DENND2A: variants seen among roughly 807,000 people sequenced by gnomAD.
DENND2A encodes the protein DENN domain-containing protein 2A.
A neutral mutation model predicts 105.3 loss-of-function variants in DENND2A; 53 were observed. That is an observed-to-expected ratio of 0.50 (90% CI 0.40 to 0.63). The LOEUF is 0.63. DENND2A is among the 30% of genes least tolerant of loss of function. The pLI, the probability that DENND2A is intolerant of heterozygous loss-of-function variation, is 0.00. For synonymous variants in DENND2A, 522 were observed against 508.4 expected (o/e 1.03, Z -0.36); for missense variants, 1,138 against 1,279.6 (o/e 0.89, Z 1.69).
At chr7:140,597,989 G>T (rs568985166) in intron 3 of DENND2A, among the ~76,000 whole-genome samples, 18 of 151,602 alleles carry the variant, frequency 1.2e-4, no homozygotes, top group African/African-American at 4.4e-4. Context: ...AGTAAAGATA[G>T]TGCAATCATC....
intron 3 of DENND2A, among the ~76,000 whole-genome samples, chr7:140,591,671 C>CTTTCTCTT (rs1375928954): frequency 3.4e-5 from 5 of 146,110 alleles, no homozygotes; most frequent in African/African-American, 7.9e-5. Flanking sequence ...TTCTTTCTTT[C>CTTTCTCTT]TCTTTCTTTC....
At chr7:140,519,548 G>A in intron 19 of DENND2A, 84 bp downstream of exon 19, 1 of 1,219,664 alleles carries the variant, frequency 8.2e-7, no homozygotes, top group East Asian at 2.3e-5. Flanking sequence ...CAGGGCGCTG[G>A]CTCCAGTGGA....
At chr7:140,586,366 AACAC>A (rs10524571) in intron 4 of DENND2A, among the ~76,000 whole-genome samples, 36,973 of 139,334 alleles carry the variant, frequency 0.27, 4,787 homozygotes, top group Middle Eastern at 0.34. Flanking sequence ...TAAAAAAGAA[AACAC>A]ACACACACAC....
At position 140,562,444 on chromosome 7, in the gene DENND2A, G is replaced by A. The variant is rs568926251; in HGVS notation, c.1780-2627C>T. On this transcript the variant is annotated intron_variant, in intron 9 of 19. Coordinates refer to ENST00000496613, the MANE Select transcript of DENND2A (RefSeq NM_015689.5). ...TGGGAGGCTGAGGCGGGCGGATCAC[G>A]AGGTCTGGAGATCGAGACCATCCTG... Among the ~76,000 whole-genome samples the A allele has an allele frequency of 7.7e-4, 117 of 152,046 alleles. 2 individuals are homozygous for A. Among genetic ancestry groups the A allele is most frequent in the African/African-American group, 2.7e-3 (114 of 41,526 alleles).
intron 3 of DENND2A, among the ~76,000 whole-genome samples, chr7:140,600,158 G>A (rs1799429580): frequency 6.6e-6 from 1 of 151,980 alleles, no homozygotes; most frequent in South Asian, 2.1e-4. Flanking sequence ...TTAGGAGGTG[G>A]TTACTGGTGG....
chr7:140,553,635 G>A (rs1797233385), intron 12 of DENND2A, among the ~76,000 whole-genome samples: 1 of 152,154 alleles, frequency 6.6e-6, no homozygotes, highest in African/African-American at 2.4e-5. Context: ...CTAGGCAGAG[G>A]TCCCTGCGGC....
intron 3 of DENND2A, among the ~76,000 whole-genome samples, 196 bp from the exon 4 acceptor site, chr7:140,587,976 T>C (rs1409639957): frequency 1.3e-5 from 2 of 152,206 alleles, no homozygotes; most frequent in Non-Finnish European, 2.9e-5. Flanking sequence ...AGCGGCGCCA[T>C]CTTGGCTCAC....
intron 6 of DENND2A, among the ~76,000 whole-genome samples, chr7:140,572,751 CA>C (rs59174097): frequency 0.25 from 14,705 of 58,970 alleles, 533 homozygotes; most frequent in African/African-American, 0.35. Flanking sequence ...GAAACTCTGT[CA>C]AAAAAAAAAA....
chr7:140,627,193 T>C (rs1800562334), intron 1 of DENND2A, among the ~76,000 whole-genome samples: 1 of 152,028 alleles, frequency 6.6e-6, no homozygotes, highest in Non-Finnish European at 1.5e-5. Flanking sequence ...TTATTGTAAA[T>C]ATTTATTTAT....
intron 1 of DENND2A, among the ~76,000 whole-genome samples, chr7:140,615,030 C>A (rs1800032514): frequency 6.6e-6 from 1 of 152,120 alleles, no homozygotes; most frequent in Non-Finnish European, 1.5e-5. Context: ...CCACGCCTGG[C>A]TAATTTCCAT....
intron 13 of DENND2A, 115 bp from the exon 14 acceptor site, chr7:140,544,881 G>A: frequency 1.4e-6 from 2 of 1,475,820 alleles, no homozygotes; most frequent in Non-Finnish European, 1.8e-6. Flanking sequence ...CCACTGGTGG[G>A]GGAAAAGGGA....
intron 5 of DENND2A, among the ~76,000 whole-genome samples, chr7:140,581,958 C>G (rs947122491): frequency 2.2e-5 from 3 of 134,846 alleles, no homozygotes; most frequent in Non-Finnish European, 4.6e-5. Context: ...GCAGAGCTGC[C>G]TTGGGCAGAT....
chr7:140,555,628 G>A lies in DENND2A; in HGVS notation c.2037+8C>T, dbSNP rs536781743. The A allele has an allele frequency of 3.7e-6, 6 of 1,611,676 alleles. No individual in the cohort carries two copies. In the South Asian group the frequency reaches 6.6e-5, roughly 18 times the overall value. On this transcript the variant is annotated splice_region_variant and intron_variant, in intron 12 of 19. Transcript: ENST00000496613. ...CCCTTCCTCTTTCTCTGAGGTCCAA[G>A]TTCTCACCCTTGAAAAGAGGCTGAA...
chr7:140,622,742 CTTA>C (rs1485143475), intron 1 of DENND2A, among the ~76,000 whole-genome samples: 2 of 151,644 alleles, frequency 1.3e-5, no homozygotes, highest in East Asian at 3.9e-4. Flanking sequence ...TCTTCTTCTT[CTTA>C]TTTTTATGTG....
At chr7:140,608,432 T>A (rs1799770683) in intron 1 of DENND2A, among the ~76,000 whole-genome samples, 1 of 152,212 alleles carries the variant, frequency 6.6e-6, no homozygotes. Context: ...ATTCCAGCAC[T>A]TTTGGAGGCC....
At chr7:140,580,239 T>A (rs1798482661) in intron 5 of DENND2A, among the ~76,000 whole-genome samples, 1 of 152,172 alleles carries the variant, frequency 6.6e-6, no homozygotes, top group Non-Finnish European at 1.5e-5. Context: ...TTCTTTATCA[T>A]GTAACCAGAA....
intron 12 of DENND2A, among the ~76,000 whole-genome samples, chr7:140,552,347 C>T (rs1392011362): frequency 6.6e-6 from 1 of 151,544 alleles, no homozygotes; most frequent in Non-Finnish European, 1.5e-5. Flanking sequence ...TTCCCTCTCT[C>T]TCTCCCTTCC....
chr7:140,548,881 G>A (rs1357513948), intron 12 of DENND2A, among the ~76,000 whole-genome samples: 1 of 151,846 alleles, frequency 6.6e-6, no homozygotes, highest in Non-Finnish European at 1.5e-5. Flanking sequence ...CCAGTGTTGG[G>A]ATTACAGGCA....
At chr7:140,551,467 G>A (rs1352020689) in intron 12 of DENND2A, among the ~76,000 whole-genome samples, 1 of 152,102 alleles carries the variant, frequency 6.6e-6, no homozygotes, top group Non-Finnish European at 1.5e-5. Flanking sequence ...ATTGCCACGA[G>A]AAGAGCACAT....
Sources: allele counts gnomAD v4.1 joint callset (sites outside exome capture counted in the v4.1 genomes callset), GRCh38; gene constraint gnomAD v4.1.1; transcripts MANE v1.5; gene names NCBI Gene and HGNC (gene_info 2026-07-23, HGNC 2026-07-21).